The following GALNTL5 variants were observed in gnomAD, a reference collection of about 807,000 sequenced individuals.
GALNTL5 encodes polypeptide N-acetylgalactosaminyltransferase like 5, also known as inactive polypeptide N-acetylgalactosaminyltransferase-like protein 5.
Under a neutral mutation model 51.0 loss-of-function variants are expected in GALNTL5, and 44 were observed. The observed-to-expected ratio is 0.86, with a 90% CI of 0.68 to 1.11. The LOEUF (loss-of-function observed/expected upper bound fraction) is 1.11, where lower values mean the gene tolerates loss of function less well. Ranked by LOEUF, GALNTL5 falls within the 50% of genes least tolerant of loss-of-function variation. GALNTL5 has a pLI of 0.00. For synonymous variants in GALNTL5, 192 were observed against 182.8 expected (o/e 1.05, Z -0.41); for missense variants, 528 against 531.8 (o/e 0.99, Z 0.07).
chr7:151,987,614 TG>T (rs1293942685), intron 5 of GALNTL5, among the ~76,000 whole-genome samples: 1 of 3,724 alleles, frequency 2.7e-4, no homozygotes, highest in Non-Finnish European at 5.7e-4. Flanking sequence ...AGAGCAAGAC[TG>T]GGGGTGGGGT....
Position 151,971,009 on chromosome 7 carries a change from G to A in GALNTL5, c.312G>A (p.Val104=). ...HKELLKYGFN[V]IISRSLGIER... ...AACTTTTAAAATATGGATTTAATGT[G>A]ATTATCAGTAGAAGCTTGGGCATCG... Residue 104 remains valine, a synonymous_variant, in exon 3 of 9, where the codon GTG becomes GTA. Transcript: ENST00000392800. The A allele has an allele frequency of 1.2e-6, 2 of 1,610,346 alleles. No homozygotes were observed. The highest frequency in any genetic ancestry group is 1.7e-6 in the Non-Finnish European group (2 of 1,177,168).
chr7:152,007,878 T>C lies in GALNTL5; in HGVS notation c.960T>C (p.Asn320=). ...TTGCTATACGTCGGCATTATTTTAATGAAATTGGACAGTATGACAAGGATA... is the reference window on the plus strand; with the variant it reads ...TTGCTATACGTCGGCATTATTTTAACGAAATTGGACAGTATGACAAGGATA... ...GIFAIRRHYF[N]EIGQYDKDMD... The change falls in exon 7 of 9, where the codon AAT becomes AAC. Residue 320 remains asparagine, a synonymous_variant. Coordinates refer to ENST00000392800, the MANE Select transcript of GALNTL5 (RefSeq NM_145292.4). 1 of 1,613,354 alleles carries C rather than the reference T, an allele frequency of 6.2e-7. No homozygotes were observed. The highest frequency in any genetic ancestry group is 1.1e-5 in the South Asian group (1 of 90,960).
At chr7:152,010,260 G>T (rs2081713450) in intron 7 of GALNTL5, among the ~76,000 whole-genome samples, 1 of 151,954 alleles carries the variant, frequency 6.6e-6, no homozygotes, top group Admixed American at 6.6e-5. Flanking sequence ...CTACAGACAT[G>T]CACCACAACA....
intron 3 of GALNTL5, among the ~76,000 whole-genome samples, chr7:151,979,276 ATTT>A (rs10681163): frequency 7.6e-6 from 1 of 131,440 alleles, no homozygotes; most frequent in Non-Finnish European, 1.6e-5. Context: ...CGCCCAGCTA[ATTT>A]TTTTTTTTTT....
rs61729490 is a variant in GALNTL5 at position 151,987,171 on chromosome 7, A to G, written c.548A>G (p.Glu183Gly). 0.17 allele frequency: 261,613 copies of G among 1,582,008 alleles called. 22,979 individuals are homozygous for G. The highest frequency in any genetic ancestry group is 0.24 in the African/African-American group (17,353 of 72,924). Residue 183 changes from glutamate (E) to glycine (G), a missense_variant, in exon 5 of 9, where the codon GAA becomes GGA. By Grantham distance (98) the Glu-to-Gly change is moderately conservative. Coordinates refer to ENST00000392800, the MANE Select transcript of GALNTL5 (RefSeq NM_145292.4). ...DDMSKVDDLK[E>G]KLDYHLETFR... Reference sequence around the variant, plus strand: ...AATATTTTTCCAGATGATTTGAAAGAAAAACTAGACTATCACCTGGAAACT... The same window carrying G: ...AATATTTTTCCAGATGATTTGAAAGGAAAACTAGACTATCACCTGGAAACT...
In GALNTL5 at chr7:151,963,328, C is replaced by G. The variant is rs1163072956; in HGVS notation, c.-39-3880C>G. Among the ~76,000 whole-genome samples the G allele has an allele frequency of 3.3e-5, 5 of 152,250 alleles. No homozygotes were observed. In the East Asian group the frequency reaches 5.8e-4, roughly 18 times the overall value. On this transcript the variant is annotated intron_variant, in intron 1 of 8. Transcript: ENST00000392800. ...GAAACACCACAGGTCTCAACTTTCT[C>G]TTAGGCTTCCCTCTGCCATTTTCTT...
chr7:151,957,142 GA>G (rs71198743), intron 1 of GALNTL5, among the ~76,000 whole-genome samples: 1,916 of 100,166 alleles, frequency 0.019, 26 homozygotes, highest in East Asian at 0.069. Context: ...TCTGTCTCGA[GA>G]AAAAAAAAAA....
At chr7:151,967,927 A>G (rs937337049) in intron 2 of GALNTL5, among the ~76,000 whole-genome samples, 1 of 152,176 alleles carries the variant, frequency 6.6e-6, no homozygotes, top group African/African-American at 2.4e-5. Context: ...ATTCTGATAC[A>G]CATATCTTTT....
At chr7:151,975,545 C>T (rs1167091856) in intron 3 of GALNTL5, among the ~76,000 whole-genome samples, 1 of 151,724 alleles carries the variant, frequency 6.6e-6, no homozygotes, top group African/African-American at 2.4e-5. Flanking sequence ...CTATTGTTTT[C>T]CTAATCTCTA....
At chr7:152,003,227 A>G (rs931460893) in intron 6 of GALNTL5, among the ~76,000 whole-genome samples, 2 of 152,212 alleles carry the variant, frequency 1.3e-5, no homozygotes, top group African/African-American at 4.8e-5. Context: ...TATGGATTCA[A>G]TCATGACTTT....
At chr7:151,986,210 A>T (rs2081357710) in intron 4 of GALNTL5, among the ~76,000 whole-genome samples, 1 of 152,206 alleles carries the variant, frequency 6.6e-6, no homozygotes, top group African/African-American at 2.4e-5. Context: ...CTTTCCCAAG[A>T]GCTACTGAAA....
At chr7:151,968,781 A>G (rs1744177443) in intron 2 of GALNTL5, among the ~76,000 whole-genome samples, 1 of 152,244 alleles carries the variant, frequency 6.6e-6, no homozygotes, top group African/African-American at 2.4e-5. Context: ...ATCTTTGCCA[A>G]CACTTGACAT....
Position 151,987,222 on chromosome 7 carries a change from G to C in GALNTL5, c.599G>C (p.Arg200Thr). 1 of 1,598,600 alleles carries C rather than the reference G, an allele frequency of 6.3e-7. No homozygotes were observed. The highest frequency in any genetic ancestry group is 1.2e-5 in the South Asian group (1 of 86,792). Residue 200 changes from arginine to threonine, a missense_variant, in exon 5 of 9, where the codon AGA (arginine) becomes ACA (threonine). Transcript: ENST00000392800. The part of the protein sequence containing the change: ...ETFRGKVKII[R>T]NKKREGLIRA... ...TTTCGGGGAAAGGTTAAAATAATAA[G>C]AAACAAAAAGAGAGAGGGGCTGATT... is the stretch of plus-strand genomic sequence containing the variant.
intron 8 of GALNTL5, among the ~76,000 whole-genome samples, chr7:152,018,888 T>C (rs1002085071): frequency 1.3e-5 from 2 of 152,194 alleles, no homozygotes; most frequent in Non-Finnish European, 2.9e-5. Context: ...ACACTATCAC[T>C]ACCCTGAATG....
Position 152,016,958 on chromosome 7 carries a change from A to T in GALNTL5, c.1176+2165A>T, listed in dbSNP as rs542340764. Among the ~76,000 whole-genome samples, 3 of 151,948 alleles carry T rather than the reference A, an allele frequency of 2.0e-5. No individual in the cohort carries two copies. In the South Asian group the frequency reaches 6.3e-4, roughly 32 times the overall value. On this transcript the variant is annotated intron_variant, in intron 8 of 8. Transcript: ENST00000392800. Reference sequence around the variant, plus strand: ...GAGGCTGAAGCTGGAGAATTGCTTGAACCCAGGAGGTAGAGGTTGCAGTGA... The same window carrying T: ...GAGGCTGAAGCTGGAGAATTGCTTGTACCCAGGAGGTAGAGGTTGCAGTGA...
intron 5 of GALNTL5, among the ~76,000 whole-genome samples, chr7:151,994,526 C>T (rs1207065550): frequency 1.3e-5 from 2 of 152,128 alleles, no homozygotes; most frequent in South Asian, 4.2e-4. Flanking sequence ...CTCACCCACC[C>T]ACCAGCTGCA....
intron 8 of GALNTL5, among the ~76,000 whole-genome samples, chr7:152,017,897 G>A (rs1401906483): frequency 5.9e-5 from 9 of 151,856 alleles, no homozygotes; most frequent in Non-Finnish European, 1.3e-4. Context: ...CCAGGCTGGA[G>A]TGCGGTGATG....
At chr7:151,996,910 G>A (rs1425715873) in intron 5 of GALNTL5, among the ~76,000 whole-genome samples, 1 of 152,098 alleles carries the variant, frequency 6.6e-6, no homozygotes, top group East Asian at 1.9e-4. Context: ...GTTTAAGGGT[G>A]AAAATGTGGA....
intron 5 of GALNTL5, among the ~76,000 whole-genome samples, chr7:151,995,748 G>A (rs1053450726): frequency 1.3e-5 from 2 of 151,942 alleles, no homozygotes; most frequent in Non-Finnish European, 2.9e-5. Context: ...CATAAACATT[G>A]AATTTTATCC....
Sources: allele counts gnomAD v4.1 joint callset (sites outside exome capture counted in the v4.1 genomes callset), GRCh38; gene constraint gnomAD v4.1.1; transcripts MANE v1.5; gene names NCBI Gene and HGNC (gene_info 2026-07-23, HGNC 2026-07-21).